Variants in TOR1AIP1 observed in about 807,000 individuals in gnomAD.
TOR1AIP1 encodes the protein torsin-1A-interacting protein 1.
TOR1AIP1 carries 54 observed loss-of-function variants against 63.3 expected under a neutral mutation model. The observed-to-expected ratio is 0.85, with a 90% CI of 0.69 to 1.07. The LOEUF is 1.07. Ranked by LOEUF, TOR1AIP1 falls within the 50% of genes least tolerant of loss-of-function variation. The pLI, the probability that TOR1AIP1 is intolerant of heterozygous loss-of-function variation, is 0.00. For missense variants in TOR1AIP1, 736 were observed against 715.0 expected (o/e 1.03, Z -0.33); for synonymous variants, 294 against 273.5 (o/e 1.07, Z -0.74).
intron 5 of TOR1AIP1, 46 bp from the exon 6 acceptor site, chr1:179,903,920 C>CTAAA (rs1558043820): frequency 7.4e-7 from 1 of 1,343,026 alleles, no homozygotes; most frequent in East Asian, 2.3e-5. Context: ...AATGTACAGT[C>CTAAA]TAAAAGTTGG....
rs767750085 is a variant in TOR1AIP1 at position 179,882,856 on chromosome 1, A to T, written c.354A>T (p.Glu118Asp). The T allele has an allele frequency of 6.2e-7, 1 of 1,614,208 alleles. No homozygotes were observed. Among genetic ancestry groups the T allele is most frequent in the Non-Finnish European group, 8.5e-7 (1 of 1,180,032 alleles). The change falls in exon 1 of 10, where the codon GAA becomes GAT. Residue 118 changes from glutamate (E) to aspartate (D), a missense_variant. By Grantham distance (45) the Glu-to-Asp change is conservative. Around this residue, in one of 2 missense-constraint regions of TOR1AIP1, gnomAD observed 464 missense variants for 371.0 expected, o/e 1.25. Transcript: ENST00000606911. ...SRQRRQPRPQ[E>D]TEEMKTRRTT... ...AGCGGAGGCAGCCGCGACCCCAGGA[A>T]ACCGAGGAAATGAAGACGCGAAGGA...
chr1:179,907,619 GTATATATATGTA>G (rs1558044917), intron 6 of TOR1AIP1, among the ~76,000 whole-genome samples, 192 bp from the exon 7 acceptor site: 1 of 15,512 alleles, frequency 6.4e-5, no homozygotes, highest in Non-Finnish European at 1.6e-4. Context: ...ATATATATAT[GTATATATATGTA>G]TATATATAGT....
chr1:179,901,398 C>A lies in TOR1AIP1; in HGVS notation c.739+10C>A. ...TCTGATGAATCTGGAGGTAATATTGCTTTATATACATATGACTCTTCTCAT... is the reference window on the plus strand; with the variant it reads ...TCTGATGAATCTGGAGGTAATATTGATTTATATACATATGACTCTTCTCAT... On this transcript the variant is annotated intron_variant, in intron 5 of 9. Coordinates refer to ENST00000606911, the MANE Select transcript of TOR1AIP1 (RefSeq NM_015602.4). 6.4e-7 allele frequency: 1 copy of A among 1,559,790 alleles called. No homozygotes were observed. Among genetic ancestry groups the A allele is most frequent in the South Asian group, 1.2e-5 (1 of 86,274 alleles).
intron 1 of TOR1AIP1, among the ~76,000 whole-genome samples, chr1:179,884,257 T>C (rs911344502): frequency 1.3e-5 from 2 of 152,176 alleles, no homozygotes; most frequent in Admixed American, 1.3e-4. Context: ...TTGTACATGG[T>C]AGGCAAAAAA....
chr1:179,890,794 G>GT (rs972269627), intron 3 of TOR1AIP1, among the ~76,000 whole-genome samples: 2 of 152,026 alleles, frequency 1.3e-5, no homozygotes, highest in African/African-American at 4.8e-5. Flanking sequence ...TGATTCCTGT[G>GT]TTTTTTATAG....
At chr1:179,909,571 C>T (rs1201798076) in intron 8 of TOR1AIP1, among the ~76,000 whole-genome samples, 1 of 151,942 alleles carries the variant, frequency 6.6e-6, no homozygotes, top group Admixed American at 6.6e-5. Context: ...CCACCACACC[C>T]AGCTAATTTT....
intron 2 of TOR1AIP1, among the ~76,000 whole-genome samples, chr1:179,885,977 G>C (rs1647898925): frequency 6.6e-6 from 1 of 152,108 alleles, no homozygotes; most frequent in Non-Finnish European, 1.5e-5. Context: ...CTGACCTCAG[G>C]TGATCCACCC....
At chr1:179,911,763 C>T (rs2148481633) in intron 8 of TOR1AIP1, among the ~76,000 whole-genome samples, 1 of 152,192 alleles carries the variant, frequency 6.6e-6, no homozygotes, top group Non-Finnish European at 1.5e-5. Flanking sequence ...GACAGTAGTG[C>T]CTATAACTAG....
At chr1:179,902,420 C>G (rs925797049) in intron 5 of TOR1AIP1, among the ~76,000 whole-genome samples, 1 of 151,956 alleles carries the variant, frequency 6.6e-6, no homozygotes, top group Admixed American at 6.6e-5. Context: ...CAGGATCTCT[C>G]TCTGTCACCC....
At chr1:179,910,081 A>G (rs1175099041) in intron 8 of TOR1AIP1, among the ~76,000 whole-genome samples, 1 of 152,178 alleles carries the variant, frequency 6.6e-6, no homozygotes, top group African/African-American at 2.4e-5. Context: ...TAGGTTTTGG[A>G]TGGATTAAAT....
At chr1:179,900,840 G>A (rs187415335) in intron 4 of TOR1AIP1, among the ~76,000 whole-genome samples, 2 of 152,142 alleles carry the variant, frequency 1.3e-5, no homozygotes, top group Non-Finnish European at 2.9e-5. Flanking sequence ...AGTTTTTGTT[G>A]AAGCTCAGCA....
chr1:179,882,928 G>T lies in TOR1AIP1; in HGVS notation c.426G>T (p.Pro142=), dbSNP rs752963545. 2.0e-5 allele frequency: 32 copies of T among 1,613,896 alleles called. 1 individual carries two copies. Among genetic ancestry groups the T allele is most frequent in the Non-Finnish European group, 3.4e-6 (4 of 1,180,002 alleles). ...QQHSEQPPLQ[P]SPVMTRRGLR... The stretch of plus-strand genomic sequence containing the variant: ...ACTCAGAGCAGCCTCCGCTACAGCC[G>T]TCTCCTGTTATGACCAGGAGAGGGC... The change falls in exon 1 of 10, where the codon CCG becomes CCT. Residue 142 remains proline, a synonymous_variant. Coordinates refer to ENST00000606911, the MANE Select transcript of TOR1AIP1 (RefSeq NM_015602.4).
intron 3 of TOR1AIP1, among the ~76,000 whole-genome samples, chr1:179,898,315 A>G (rs1648347767): frequency 6.6e-6 from 1 of 152,176 alleles, no homozygotes; most frequent in African/African-American, 2.4e-5. Context: ...ATCAGATGAC[A>G]TTCATGAAGG....
chr1:179,907,619 GTATA>G (rs938816970), intron 6 of TOR1AIP1, among the ~76,000 whole-genome samples, 200 bp from the exon 7 acceptor site: 1 of 15,516 alleles, frequency 6.4e-5, no homozygotes, highest in African/African-American at 1.6e-4. Context: ...ATATATATAT[GTATA>G]TATATGTATA....
intron 2 of TOR1AIP1, among the ~76,000 whole-genome samples, chr1:179,888,394 C>T (rs1300285925): frequency 6.6e-6 from 1 of 152,164 alleles, no homozygotes; most frequent in Non-Finnish European, 1.5e-5. Context: ...CTGCCTTCGC[C>T]TCCCAAATAG....
intron 3 of TOR1AIP1, among the ~76,000 whole-genome samples, chr1:179,892,395 C>G (rs1648111481): frequency 6.6e-6 from 1 of 152,020 alleles, no homozygotes; most frequent in Admixed American, 6.6e-5. Context: ...ATCACTTATA[C>G]CCAGGATGCA....
intron 6 of TOR1AIP1, among the ~76,000 whole-genome samples, chr1:179,907,199 C>T (rs956001648): frequency 2.6e-5 from 4 of 151,376 alleles, no homozygotes; most frequent in Admixed American, 6.6e-5. Context: ...GCCTGGCCAA[C>T]ATGGTGAAAC....
chr1:179,917,917 T>G lies in TOR1AIP1; in HGVS notation c.1430T>G (p.Val477Gly), dbSNP rs1445322693. 4 of 1,614,234 alleles carry G rather than the reference T, an allele frequency of 2.5e-6. No individual in the cohort carries two copies. Among genetic ancestry groups the G allele is most frequent in the Non-Finnish European group, 3.4e-6 (4 of 1,180,044 alleles). ...NGFKNGQNAA[V>G]VHRFESFPAG... The stretch of plus-strand genomic sequence containing the variant: ...TTTAAGAATGGCCAGAATGCAGCTG[T>G]GGTACACCGCTTTGAGTCATTTCCC... Residue 477 changes from valine to glycine, a missense_variant, in exon 10 of 10, where the codon GTG (valine) becomes GGG (glycine). Physicochemically the swap from Val to Gly is moderately radical, Grantham distance 109 (BLOSUM62 -3). Coordinates refer to ENST00000606911, the MANE Select transcript of TOR1AIP1 (RefSeq NM_015602.4).
intron 2 of TOR1AIP1, among the ~76,000 whole-genome samples, chr1:179,886,115 T>C (rs140413272): frequency 1.3e-5 from 2 of 152,316 alleles, no homozygotes; most frequent in African/African-American, 4.8e-5. Flanking sequence ...CTTTGAATAA[T>C]GATGATATAA....
Sources: allele counts gnomAD v4.1 joint callset (sites outside exome capture counted in the v4.1 genomes callset), GRCh38; gene constraint gnomAD v4.1.1; regional missense constraint gnomAD v4.1.1; transcripts MANE v1.5; gene names NCBI Gene and HGNC (gene_info 2026-07-23, HGNC 2026-07-21).